Variants in BLM observed in about 807,000 individuals in gnomAD.
BLM encodes recQ-like DNA helicase BLM.
A neutral mutation model predicts 135.3 loss-of-function variants in BLM; 95 were observed. The observed-to-expected ratio is 0.70, with a 90% CI of 0.59 to 0.83. BLM has a LOEUF of 0.83. BLM is among the 40% of genes least tolerant of loss of function. The probability of loss-of-function intolerance (pLI) is 0.00; values close to 1 mark genes in which losing one functional copy is unlikely to be tolerated. For synonymous variants in BLM, 520 were observed against 589.2 expected (o/e 0.88, Z 1.70); for missense variants, 1,518 against 1,663.9 (o/e 0.91, Z 1.53).
chr15:90,749,306 G>A (rs1240938461), intron 2 of BLM, 61 bp from the exon 3 acceptor site: 7 of 1,285,792 alleles, frequency 5.4e-6, no homozygotes, highest in Non-Finnish European at 7.7e-6. Flanking sequence ...AATTAGTTTT[G>A]TAGAGTTGGG....
At chr15:90,719,324 A>G (rs1468418875) in intron 1 of BLM, among the ~76,000 whole-genome samples, 1 of 152,160 alleles carries the variant, frequency 6.6e-6, no homozygotes, top group Non-Finnish European at 1.5e-5. Context: ...AAATGAGGCC[A>G]GGCACAGTGG....
At position 90,782,821 on chromosome 15, in the gene BLM, G is replaced by T. The variant is rs1896650174; in HGVS notation, c.2556-1G>T. 1 of 1,604,326 alleles carries T rather than the reference G, an allele frequency of 6.2e-7. No individual in the cohort carries two copies. The highest frequency in any genetic ancestry group is 8.5e-7 in the Non-Finnish European group (1 of 1,171,234). ...AAATTTTATGTTTGGGACTTTTTTA[G>T]GTTTAGCATGAGCTTTAACAGACAT... On this transcript the variant is annotated splice_acceptor_variant, in intron 12 of 21. Coordinates refer to ENST00000355112, the MANE Select transcript of BLM (RefSeq NM_000057.4). LOFTEE classifies it high-confidence loss of function.
At chr15:90,787,875 G>A (rs747551696) in intron 14 of BLM, among the ~76,000 whole-genome samples, 1 of 152,052 alleles carries the variant, frequency 6.6e-6, no homozygotes, top group Non-Finnish European at 1.5e-5. Flanking sequence ...ACTTGAACCT[G>A]GGAGCCGAAG....
rs1487267563 is a variant in BLM, at chr15:90,794,230, A to T, written c.3083A>T (p.His1028Leu). Reference protein sequence around the residue: ...THFNNLYSMVHYCENITECRR... With the variant: ...THFNNLYSMVLYCENITECRR... ...TTCAATAATTTGTATAGCATGGTAC[A>T]TTACTGTGAAAATATAACGGAATGC... Residue 1028 changes from histidine to leucine, a missense_variant, in exon 16 of 22, where the codon CAT becomes CTT. Coordinates refer to ENST00000355112, the MANE Select transcript of BLM (RefSeq NM_000057.4). 3.7e-6 allele frequency: 6 copies of T among 1,606,898 alleles called. No individual in the cohort carries two copies. In the South Asian group the frequency reaches 5.6e-5, roughly 15 times the overall value.
At chr15:90,720,128 T>C (rs764954084) in intron 1 of BLM, among the ~76,000 whole-genome samples, 19 of 152,210 alleles carry the variant, frequency 1.2e-4, no homozygotes, top group Non-Finnish European at 2.8e-4. Flanking sequence ...ATTGTCAGAC[T>C]TATCTCGTTG....
intron 1 of BLM, among the ~76,000 whole-genome samples, chr15:90,736,438 T>G (rs532655967): frequency 3.3e-5 from 5 of 152,262 alleles, no homozygotes; most frequent in Admixed American, 2.6e-4. Flanking sequence ...TTAAAAATTT[T>G]TTTTATAGAG....
intron 1 of BLM, among the ~76,000 whole-genome samples, chr15:90,726,242 T>C (rs1203188518): frequency 2.0e-5 from 3 of 152,168 alleles, no homozygotes; most frequent in East Asian, 3.8e-4. Context: ...GAACTTATTC[T>C]TCCCATCTAG....
In BLM at chr15:90,769,113, C is replaced by G. The variant is rs1329802518; in HGVS notation, c.2308-20C>G. ...GATGTGTTTCAGTGTTTTTACATGT[C>G]TAATGTATTTCTGGCCTAGATCTGT... On this transcript the variant is annotated intron_variant, in intron 10 of 21. Transcript: ENST00000355112. 1 of 1,535,000 alleles carries G rather than the reference C, an allele frequency of 6.5e-7. No homozygotes were observed.
intron 14 of BLM, among the ~76,000 whole-genome samples, chr15:90,789,973 C>A (rs1387053104): frequency 7.3e-6 from 1 of 137,418 alleles, no homozygotes; most frequent in Admixed American, 7.5e-5. Flanking sequence ...GGTCTAAGAT[C>A]CGCAGTCCCT....
At chr15:90,763,303 T>C (rs892008971) in intron 8 of BLM, 146 bp downstream of exon 8, 2 of 829,648 alleles carry the variant, frequency 2.4e-6, no homozygotes, top group African/African-American at 3.4e-5. Flanking sequence ...AGAAAGCATA[T>C]TACTTTATAT....
At chr15:90,804,406 G>A (rs753477888) in intron 19 of BLM, 47 bp downstream of exon 19, 13 of 1,543,666 alleles carry the variant, frequency 8.4e-6, no homozygotes, top group African/African-American at 2.7e-5. Context: ...TTAATAGGCC[G>A]AAAGTTAATC....
intron 16 of BLM, among the ~76,000 whole-genome samples, chr15:90,794,750 T>A (rs1213843499): frequency 1.3e-5 from 2 of 149,000 alleles, no homozygotes; most frequent in Non-Finnish European, 3.0e-5. Context: ...ATTGATTAAA[T>A]TAAATATATT....
intron 19 of BLM, chr15:90,808,851 C>G (rs1897340922): frequency 4.1e-6 from 2 of 492,374 alleles, no homozygotes; most frequent in Admixed American, 6.6e-5. Flanking sequence ...CTGCTCCACT[C>G]CACGCACATG....
chr15:90,749,266 T>C (rs1174761794), intron 2 of BLM, 101 bp from the exon 3 acceptor site: 1 of 812,790 alleles, frequency 1.2e-6, no homozygotes, highest in Non-Finnish European at 1.9e-6. Context: ...TGGGATACAA[T>C]TAATGTAACC....
At chr15:90,797,285 A>G (rs1897049850) in intron 16 of BLM, among the ~76,000 whole-genome samples, 2 of 151,890 alleles carry the variant, frequency 1.3e-5, no homozygotes, top group Non-Finnish European at 2.9e-5. Flanking sequence ...GCATGGTGGC[A>G]GGTGCCTGTA....
intron 21 of BLM, among the ~76,000 whole-genome samples, 157 bp downstream of exon 21, chr15:90,811,563 A>T (rs1406383077): frequency 2.0e-5 from 3 of 152,234 alleles, no homozygotes; most frequent in Admixed American, 1.3e-4. Context: ...TTAAGGTTTG[A>T]TCCAAAACAA....
In BLM at chr15:90,815,511, T is replaced by A; in HGVS notation, c.*232T>A. ...TGTGGCCGTTGTTTCTCAGAACGTC[T>A]GAGGCAGCAGCTGAATCATCTCAGT... On this transcript the variant is annotated 3_prime_UTR_variant, in exon 22 of 22. Coordinates refer to ENST00000355112, the MANE Select transcript of BLM (RefSeq NM_000057.4). This position sits in a 1 kb window ranked among gnomAD's most constrained non-coding sequence, Gnocchi z 4.6. 1.8e-6 allele frequency: 1 copy of A among 546,122 alleles called. No homozygotes were observed. Among genetic ancestry groups the A allele is most frequent in the Non-Finnish European group, 3.2e-6 (1 of 313,304 alleles). The allele number at this position is 546,122 out of a possible 1,614,324, so 33.8% of individuals were successfully genotyped here. A position where few individuals can be genotyped will look rare whatever the true frequency, so the allele number is the denominator to read the frequency against.
Position 90,749,806 on chromosome 15 carries a change from G to A in BLM, c.538G>A (p.Val180Ile). Residue 180 changes from valine to isoleucine, a missense_variant, in exon 3 of 22, where the codon GTA becomes ATA. This residue lies in a region of BLM where 724 missense variants were observed against 756.9 expected (regional missense o/e 0.96). Coordinates refer to ENST00000355112, the MANE Select transcript of BLM (RefSeq NM_000057.4). ...ACCACCCCAAAGTCACTTTGTAAGA[G>A]TAAGCACTGCTCAGAAATCAAAAAA... Reference protein sequence around the residue: ...VTPPQSHFVRVSTAQKSKKGK... With the variant: ...VTPPQSHFVRISTAQKSKKGK... The A allele has an allele frequency of 1.2e-6, 2 of 1,605,312 alleles. No individual in the cohort carries two copies. The highest frequency in any genetic ancestry group is 1.1e-5 in the South Asian group (1 of 89,838).
At chr15:90,788,970 C>CAA (rs34736315) in intron 14 of BLM, among the ~76,000 whole-genome samples, 5,738 of 110,540 alleles carry the variant, frequency 0.052, 144 homozygotes, top group Non-Finnish European at 0.064. Flanking sequence ...GAGACTGTCT[C>CAA]AAAAAAAAAA....
Sources: allele counts gnomAD v4.1 joint callset (sites outside exome capture counted in the v4.1 genomes callset), GRCh38; gene constraint gnomAD v4.1.1; regional missense constraint gnomAD v4.1.1; non-coding constraint Gnocchi (gnomAD v3.1); transcripts MANE v1.5; gene names NCBI Gene and HGNC (gene_info 2026-07-23, HGNC 2026-07-21).